Variants in EIF3H observed in about 807,000 individuals in gnomAD.
EIF3H encodes the protein eukaryotic translation initiation factor 3 subunit H.
In EIF3H, 26 loss-of-function variants were observed where a neutral mutation model predicts 44.2. The ratio of observed to expected loss-of-function variants is 0.59; its 90% CI spans 0.43 to 0.82. The LOEUF (loss-of-function observed/expected upper bound fraction) is 0.82, where lower values mean the gene tolerates loss of function less well. EIF3H is among the 40% of genes least tolerant of loss of function. The pLI, the probability that EIF3H is intolerant of heterozygous loss-of-function variation, is 0.00. For missense variants in EIF3H, 359 were observed against 432.8 expected, an observed-to-expected ratio of 0.83 and a Z score of 1.51; for synonymous variants, 166 against 151.9, an observed-to-expected ratio of 1.09 and a Z score of -0.68.
intron 6 of EIF3H, among the ~76,000 whole-genome samples, chr8:116,646,866 TAAC>T (rs1346173701): frequency 3.3e-5 from 5 of 152,132 alleles, no homozygotes; most frequent in Non-Finnish European, 7.4e-5. Flanking sequence ...GTTATGTAAG[TAAC>T]AGGGGGCTTA....
upstream of EIF3H, among the ~76,000 whole-genome samples, chr8:116,757,815 AG>A (rs1415178700): frequency 6.6e-6 from 1 of 150,932 alleles, no homozygotes; most frequent in Non-Finnish European, 1.5e-5. Context: ...TCCGCCTCCC[AG>A]GTTCAAGCGA....
chr8:116,662,058 G>A (rs769155016), intron 2 of EIF3H, among the ~76,000 whole-genome samples: 1 of 152,112 alleles, frequency 6.6e-6, no homozygotes, highest in Non-Finnish European at 1.5e-5. Flanking sequence ...ACATTTGTAA[G>A]TCATAAGAGT....
chr8:116,681,339 G>A (rs1249289042), intron 2 of EIF3H, among the ~76,000 whole-genome samples: 7 of 152,038 alleles, frequency 4.6e-5, no homozygotes, highest in Admixed American at 6.6e-5. Flanking sequence ...TCCAGCCTGC[G>A]TAATACAGCA....
chr8:116,740,727 TATGA>T (rs2130958851), intron 1 of EIF3H, among the ~76,000 whole-genome samples: 1 of 152,238 alleles, frequency 6.6e-6, no homozygotes, highest in East Asian at 1.9e-4. Flanking sequence ...CATGAATTCT[TATGA>T]ATGTACACAC....
chr8:116,748,891 T>C (rs1815283730), intron 1 of EIF3H, among the ~76,000 whole-genome samples: 1 of 152,200 alleles, frequency 6.6e-6, no homozygotes, highest in African/African-American at 2.4e-5. Flanking sequence ...TAAATAATTA[T>C]TATACTGTAT....
At chr8:116,687,566 A>G (rs1006933586) in intron 2 of EIF3H, among the ~76,000 whole-genome samples, 2 of 152,174 alleles carry the variant, frequency 1.3e-5, no homozygotes, top group African/African-American at 4.8e-5. Context: ...GAATTCACAA[A>G]AAATTGATTT....
At chr8:116,652,096 C>T (rs530586343) in intron 5 of EIF3H, among the ~76,000 whole-genome samples, 25 of 152,200 alleles carry the variant, frequency 1.6e-4, no homozygotes, top group African/African-American at 5.3e-4. Context: ...CTGAGGAACA[C>T]GGACAGAGAT....
intron 2 of EIF3H, among the ~76,000 whole-genome samples, chr8:116,704,965 G>T (rs1814441825): frequency 6.6e-6 from 1 of 152,176 alleles, no homozygotes; most frequent in Non-Finnish European, 1.5e-5. Flanking sequence ...GAGTTCCTCT[G>T]TACAAAAGGT....
intron 1 of EIF3H, among the ~76,000 whole-genome samples, chr8:116,729,546 G>C (rs1814917138): frequency 6.6e-6 from 1 of 152,130 alleles, no homozygotes; most frequent in Admixed American, 6.5e-5. Context: ...CCAAGTAAAA[G>C]AAATAATTAT....
chr8:116,698,401 A>G (rs1814309468), intron 2 of EIF3H, among the ~76,000 whole-genome samples: 1 of 152,104 alleles, frequency 6.6e-6, no homozygotes, highest in South Asian at 2.1e-4. Flanking sequence ...TAGACACCAC[A>G]TTCTCCTATC....
chr8:116,743,761 A>G (rs988454836), intron 1 of EIF3H, among the ~76,000 whole-genome samples: 1 of 91,428 alleles, frequency 1.1e-5, no homozygotes, highest in Non-Finnish European at 2.5e-5. Flanking sequence ...CTGTCTCAAA[A>G]ATACATACAT....
At chr8:116,717,959 C>T (rs968358310) in intron 2 of EIF3H, among the ~76,000 whole-genome samples, 2 of 152,060 alleles carry the variant, frequency 1.3e-5, no homozygotes, top group African/African-American at 4.8e-5. Context: ...AAACAGACAA[C>T]CCAGAGTGGG....
chr8:116,709,010 A>AAT (rs1554600868), intron 2 of EIF3H, among the ~76,000 whole-genome samples: 27 of 150,350 alleles, frequency 1.8e-4, no homozygotes, highest in African/African-American at 6.3e-4. Context: ...AAAAAAAAAA[A>AAT]TTTTTTTTTG....
In EIF3H at chr8:116,658,828, C is replaced by T. The variant is rs1444677638; in HGVS notation, c.442G>A (p.Val148Ile). The change falls in exon 3 of 8, where the codon GTC becomes ATC. Residue 148 changes from valine (V) to isoleucine (I), a missense_variant. Val to Ile is a conservative substitution (Grantham distance 29). This residue lies in a region of EIF3H where 91 missense variants were observed against 164.6 expected (regional missense o/e 0.55). Transcript: ENST00000521861. ...FSYQHAIEESVVLIYDPIKTA... is the reference protein window; with the variant it reads ...FSYQHAIEESIVLIYDPIKTA... Reference sequence around the variant, plus strand: ...TCCTACTAACCATAAATGAGAACGACAGATTCTTCAATGGCATGCTGGTAA... The same window carrying T: ...TCCTACTAACCATAAATGAGAACGATAGATTCTTCAATGGCATGCTGGTAA... 10 of 1,612,088 alleles carry T rather than the reference C, an allele frequency of 6.2e-6. No individual in the cohort carries two copies. In the Admixed American group the frequency reaches 1.3e-4, roughly 22 times the overall value.
intron 1 of EIF3H, among the ~76,000 whole-genome samples, chr8:116,761,188 T>C (rs1040571335): frequency 2.6e-5 from 4 of 152,214 alleles, no homozygotes; most frequent in Non-Finnish European, 5.9e-5. Flanking sequence ...CATTTTGTAG[T>C]AAAATGCCAA....
At chr8:116,734,416 T>A (rs1004900014) in intron 1 of EIF3H, 1 of 455,144 alleles carries the variant, frequency 2.2e-6, no homozygotes, top group African/African-American at 2.0e-5. Flanking sequence ...AATGCTAATA[T>A]TTACATTTCA....
intron 2 of EIF3H, among the ~76,000 whole-genome samples, chr8:116,662,989 A>G (rs1233909936): frequency 1.3e-5 from 2 of 152,200 alleles, no homozygotes; most frequent in Non-Finnish European, 2.9e-5. Context: ...CAAGAGACCC[A>G]GTTTGGCTAC....
chr8:116,677,091 A>C (rs897555310), intron 2 of EIF3H, among the ~76,000 whole-genome samples: 1 of 152,244 alleles, frequency 6.6e-6, no homozygotes, highest in Non-Finnish European at 1.5e-5. Flanking sequence ...AAAACACTGT[A>C]AAGACTCCAA....
At chr8:116,742,200 T>C (rs558314899) in intron 1 of EIF3H, among the ~76,000 whole-genome samples, 1 of 152,332 alleles carries the variant, frequency 6.6e-6, no homozygotes, top group African/African-American at 2.4e-5. Flanking sequence ...GCATATTTCA[T>C]TGCTATTCTC....
Sources: gnomAD v4.1 joint callset for allele counts (sites outside exome capture counted in the v4.1 genomes callset) on GRCh38, gnomAD v4.1.1 for gene constraint, gnomAD v4.1.1 regional missense constraint, MANE v1.5 for transcripts, NCBI Gene and HGNC (gene_info 2026-07-23, HGNC 2026-07-21) for gene names.